ADAMTS16: variants seen among roughly 807,000 people sequenced by gnomAD.
ADAMTS16 encodes ADAM metallopeptidase with thrombospondin type 1 motif 16, also known as A disintegrin and metalloproteinase with thrombospondin motifs 16.
In ADAMTS16, 94 loss-of-function variants were observed where a neutral mutation model predicts 145.8. The ratio of observed to expected loss-of-function variants is 0.64; its 90% CI spans 0.55 to 0.77. The LOEUF is 0.77. ADAMTS16 is among the 30% of genes least tolerant of loss of function. ADAMTS16 has a pLI of 0.00. For synonymous variants in ADAMTS16, 659 were observed against 604.3 expected (o/e 1.09, Z -1.33); for missense variants, 1,585 against 1,591.5 (o/e 1.00, Z 0.07).
At chr5:5,192,735 G>A (rs960702172) in intron 8 of ADAMTS16, among the ~76,000 whole-genome samples, 2 of 152,190 alleles carry the variant, frequency 1.3e-5, no homozygotes. Flanking sequence ...TACAATTGTA[G>A]AATGAACAAT....
At chr5:5,316,860 C>T (rs575365424) in intron 21 of ADAMTS16, among the ~76,000 whole-genome samples, 42 of 152,306 alleles carry the variant, frequency 2.8e-4, no homozygotes, top group African/African-American at 8.7e-4. Context: ...AAGGGCACTA[C>T]TTCTTTCACG....
chr5:5,155,651 T>C (rs56164655), intron 3 of ADAMTS16, among the ~76,000 whole-genome samples: 19,173 of 152,168 alleles, frequency 0.13, 1,270 homozygotes, highest in Non-Finnish European at 0.13. Context: ...ACAGTGTAGC[T>C]GGTTCTTTAA....
rs1004675172 is a variant in ADAMTS16 at position 5,144,136 on chromosome 5, T to C, written c.176-1994T>C. On this transcript the variant is annotated intron_variant, in intron 2 of 22. Coordinates refer to ENST00000274181, the MANE Select transcript of ADAMTS16 (RefSeq NM_139056.4). The stretch of plus-strand genomic sequence containing the variant: ...AACTTAAATTATAACAAAAAAAAAA[T>C]CAATGGTCACATGCTCACTAGCGAA... 9.9e-4 allele frequency among the ~76,000 whole-genome samples: 144 copies of C among 146,064 alleles called. 1 individual carries two copies. The highest frequency in any genetic ancestry group is 3.3e-3 in the African/African-American group (129 of 39,042).
In ADAMTS16 at chr5:5,200,370, G is replaced by A. The variant is rs1195478141; in HGVS notation, c.1451+101G>A. 4 of 1,470,680 alleles carry A rather than the reference G, an allele frequency of 2.7e-6. No individual in the cohort carries two copies. The African/African-American group carries it at 5.7e-5, about 21-fold the overall frequency. The allele number at this position is 1,470,680 out of a possible 1,614,324, so 91.1% of individuals were successfully genotyped here. Reference sequence around the variant, plus strand: ...CAAGCAGCCCCAGGCTGTGCTTCCTGATGTGGTTCCCTTTGAAGGTGTCTT... The same window carrying A: ...CAAGCAGCCCCAGGCTGTGCTTCCTAATGTGGTTCCCTTTGAAGGTGTCTT... On this transcript the variant is annotated intron_variant, in intron 9 of 22. Transcript: ENST00000274181.
chr5:5,166,416 A>C (rs75216483), intron 3 of ADAMTS16, among the ~76,000 whole-genome samples: 2,292 of 152,246 alleles, frequency 0.015, 25 homozygotes, highest in Non-Finnish European at 0.025. Flanking sequence ...TGGGTCTAAT[A>C]TGAGCTGCAC....
intron 11 of ADAMTS16, among the ~76,000 whole-genome samples, chr5:5,228,280 AG>A (rs1478681939): frequency 6.6e-6 from 1 of 152,204 alleles, no homozygotes; most frequent in African/African-American, 2.4e-5. Context: ...TGGAGAAAAA[AG>A]ATGCTACAAA....
intron 21 of ADAMTS16, among the ~76,000 whole-genome samples, chr5:5,315,521 G>T (rs1734018593): frequency 6.6e-6 from 1 of 151,846 alleles, no homozygotes; most frequent in Admixed American, 6.6e-5. Context: ...ATGGAATTCT[G>T]CCTGAGCCGC....
Position 5,222,836 on chromosome 5 carries a change from G to A in ADAMTS16, c.1653G>A (p.Glu551=), listed in dbSNP as rs781738879. The A allele has an allele frequency of 1.9e-5, 30 of 1,614,118 alleles. No homozygotes were observed. In the South Asian group the frequency reaches 3.3e-4, roughly 18 times the overall value. Residue 551 remains glutamate (E), a synonymous_variant, in exon 11 of 23, where the codon GAG becomes GAA. Transcript: ENST00000274181. ...GCCATCGTATTGGAAGGAAATGTGAGACTAAATTTATGCCAGCAGCAGAAG... is the reference window on the plus strand; with the variant it reads ...GCCATCGTATTGGAAGGAAATGTGAAACTAAATTTATGCCAGCAGCAGAAG... ...LWCHRIGRKC[E]TKFMPAAEGT...
chr5:5,204,133 G>C (rs1736028342), intron 9 of ADAMTS16, among the ~76,000 whole-genome samples: 1 of 152,136 alleles, frequency 6.6e-6, no homozygotes, highest in Non-Finnish European at 1.5e-5. Flanking sequence ...GCATGTCTGG[G>C]AAGGTCTTTG....
At chr5:5,305,966 A>G (rs1454215851) in intron 20 of ADAMTS16, among the ~76,000 whole-genome samples, 1 of 152,202 alleles carries the variant, frequency 6.6e-6, no homozygotes, top group African/African-American at 2.4e-5. Context: ...GGTGTCTGCA[A>G]CTGGAGCAGC....
intron 2 of ADAMTS16, among the ~76,000 whole-genome samples, chr5:5,145,058 T>C (rs190346294): frequency 2.8e-4 from 43 of 152,308 alleles, no homozygotes; most frequent in African/African-American, 9.9e-4. Context: ...GCAGGGCTTC[T>C]TGGAGTTCAG....
intron 17 of ADAMTS16, among the ~76,000 whole-genome samples, chr5:5,254,417 T>C (rs1737719759): frequency 6.6e-6 from 1 of 152,172 alleles, no homozygotes; most frequent in Non-Finnish European, 1.5e-5. Flanking sequence ...ATTTCTGACC[T>C]TAATGGGAAT....
At chr5:5,278,117 C>T (rs925187586) in intron 18 of ADAMTS16, among the ~76,000 whole-genome samples, 24 of 152,180 alleles carry the variant, frequency 1.6e-4, no homozygotes, top group East Asian at 7.7e-4. Context: ...TTAGTGACCA[C>T]GTGAACATTG....
intron 18 of ADAMTS16, among the ~76,000 whole-genome samples, chr5:5,283,715 C>T (rs1238309608): frequency 1.3e-5 from 2 of 152,212 alleles, no homozygotes; most frequent in African/African-American, 2.4e-5. Flanking sequence ...CAGTGAAGAA[C>T]ACTTGAACCC....
At chr5:5,164,627 C>T (rs569441299) in intron 3 of ADAMTS16, among the ~76,000 whole-genome samples, 24 of 152,280 alleles carry the variant, frequency 1.6e-4, no homozygotes, top group African/African-American at 5.5e-4. Flanking sequence ...CTGGGCTCAC[C>T]GTGTCCTGGT....
chr5:5,261,244 G>A (rs1738007955), intron 17 of ADAMTS16, among the ~76,000 whole-genome samples: 1 of 151,914 alleles, frequency 6.6e-6, no homozygotes, highest in Admixed American at 6.6e-5. Flanking sequence ...AGGCTCGAGT[G>A]ATCTCCCCTC....
At chr5:5,235,530 A>G (rs1416484252) in intron 13 of ADAMTS16, among the ~76,000 whole-genome samples, 1 of 152,224 alleles carries the variant, frequency 6.6e-6, no homozygotes, top group Non-Finnish European at 1.5e-5. Flanking sequence ...AGTTGTTGCT[A>G]TAAGCAAGTT....
At chr5:5,236,837 C>T in intron 13 of ADAMTS16, 132 bp from the exon 14 acceptor site, 1 of 1,126,444 alleles carries the variant, frequency 8.9e-7, no homozygotes, top group Non-Finnish European at 1.2e-6. Context: ...ATTAAAAATG[C>T]CATTGTAATG....
chr5:5,303,258 C>A lies in ADAMTS16; in HGVS notation c.2790-10C>A. 1.3e-6 allele frequency: 2 copies of A among 1,545,064 alleles called. No individual in the cohort carries two copies. Among genetic ancestry groups the A allele is most frequent in the Non-Finnish European group, 1.7e-6 (2 of 1,143,606 alleles). On this transcript the variant is annotated splice_polypyrimidine_tract_variant and intron_variant, in intron 18 of 22. Transcript: ENST00000274181. ...CCATCCCTCACCGAGGTCTCTTTGTCCCTGCCCAGCTGGTCCGTGGGGAAC... is the reference window on the plus strand; with the variant it reads ...CCATCCCTCACCGAGGTCTCTTTGTACCTGCCCAGCTGGTCCGTGGGGAAC...
Sources: allele counts gnomAD v4.1 joint callset (sites outside exome capture counted in the v4.1 genomes callset), GRCh38; gene constraint gnomAD v4.1.1; transcripts MANE v1.5; gene names NCBI Gene and HGNC (gene_info 2026-07-23, HGNC 2026-07-21).